SV2C: variants seen among roughly 807,000 people sequenced by gnomAD.
SV2C encodes the protein synaptic vesicle glycoprotein 2C.
Under a neutral mutation model 79.7 loss-of-function variants are expected in SV2C, and 49 were observed. That is an observed-to-expected ratio of 0.61 (90% confidence interval 0.49 to 0.78). The LOEUF (loss-of-function observed/expected upper bound fraction) is 0.78, where lower values mean the gene tolerates loss of function less well. SV2C is among the 30% of genes least tolerant of loss of function. The pLI is 0.00. For synonymous variants in SV2C, 334 were observed against 333.2 expected (o/e 1.00, Z -0.03); for missense variants, 833 against 912.9 (o/e 0.91, Z 1.13).
the SV2C span, among the ~76,000 whole-genome samples, chr5:75,864,693 C>T: frequency 2.0e-5 from 3 of 152,188 alleles, no homozygotes. Flanking sequence ...TCCCTCCCAG[C>T]ATGGGAGCAA....
chr5:76,147,943 C>T (rs926523767), intron 2 of SV2C, among the ~76,000 whole-genome samples: 9 of 151,588 alleles, frequency 5.9e-5, no homozygotes, highest in Admixed American at 1.3e-4. Context: ...ACATTTTTTT[C>T]CTATACACCT....
At chr5:76,223,503 GTATATA>G (rs1745148978) in intron 4 of SV2C, among the ~76,000 whole-genome samples, 1 of 69,430 alleles carries the variant, frequency 1.4e-5, no homozygotes, top group African/African-American at 6.1e-5. Context: ...ATATGTATAT[GTATATA>G]AAGATTTCAT....
the SV2C span, among the ~76,000 whole-genome samples, chr5:75,860,283 A>C: frequency 6.6e-6 from 1 of 152,142 alleles, no homozygotes; most frequent in Non-Finnish European, 1.5e-5. Context: ...ACACAATCCC[A>C]TTTACAATAG....
At chr5:75,968,409 A>T in the SV2C span, among the ~76,000 whole-genome samples, 3 of 152,300 alleles carry the variant, frequency 2.0e-5, no homozygotes, top group South Asian at 4.1e-4. Context: ...ACCAATGGCA[A>T]AGAAGTTAAA....
intron 4 of SV2C, among the ~76,000 whole-genome samples, chr5:76,237,989 C>CACACACACACAT (rs371688116): frequency 4.9e-4 from 73 of 150,048 alleles, no homozygotes; most frequent in Non-Finnish European, 8.5e-4. Context: ...CACACACACA[C>CACACACACACAT]ACATACATAC....
rs915404438 is a variant in SV2C, at chr5:76,340,474, G to A, written c.2001-12656G>A. 3.9e-5 allele frequency among the ~76,000 whole-genome samples: 6 copies of A among 152,166 alleles called. No individual in the cohort carries two copies. The East Asian group carries it at 9.6e-4, about 24-fold the overall frequency. The stretch of plus-strand genomic sequence containing the variant: ...TTAACAGTTCTGTACATCAAGTCAG[G>A]ACACAGGCATGTGGGCACAGTGGGC... On this transcript the variant is annotated intron_variant, in intron 12 of 12. Transcript: ENST00000322285.
At chr5:76,003,239 T>C in the SV2C span, among the ~76,000 whole-genome samples, 1 of 152,104 alleles carries the variant, frequency 6.6e-6, no homozygotes, top group Non-Finnish European at 1.5e-5. Flanking sequence ...CTTTATAACT[T>C]ACCCAGTCTC....
the SV2C span, among the ~76,000 whole-genome samples, chr5:75,895,029 G>T: frequency 6.6e-6 from 1 of 152,076 alleles, no homozygotes; most frequent in Non-Finnish European, 1.5e-5. Context: ...GAAAATATCT[G>T]TCTACTTAGT....
intron 12 of SV2C, among the ~76,000 whole-genome samples, chr5:76,318,256 A>G (rs1043024244): frequency 6.6e-6 from 1 of 152,120 alleles, no homozygotes; most frequent in Non-Finnish European, 1.5e-5. Context: ...CGTCTCTACT[A>G]AAAACACAAA....
At chr5:76,078,021 C>A in the SV2C span, among the ~76,000 whole-genome samples, 1 of 152,156 alleles carries the variant, frequency 6.6e-6, no homozygotes, top group Non-Finnish European at 1.5e-5. Flanking sequence ...ACTTAGGAGT[C>A]AATCAGGAAA....
At chr5:75,869,321 A>T in the SV2C span, among the ~76,000 whole-genome samples, 1 of 152,178 alleles carries the variant, frequency 6.6e-6, no homozygotes, top group Non-Finnish European at 1.5e-5. Flanking sequence ...ACCATAAGCT[A>T]ACTGAAGAGC....
chr5:76,097,903 A>G (rs558785387), intron 1 of SV2C, among the ~76,000 whole-genome samples: 2 of 151,914 alleles, frequency 1.3e-5, no homozygotes, highest in East Asian at 1.9e-4. Context: ...AGCTGGGCCT[A>G]CCTACAGAGA....
the SV2C span, among the ~76,000 whole-genome samples, chr5:75,969,597 G>T: frequency 6.6e-6 from 1 of 152,300 alleles, no homozygotes; most frequent in East Asian, 1.9e-4. Context: ...TAATGGTAAA[G>T]GGATCAATTC....
At chr5:75,988,113 A>C in the SV2C span, among the ~76,000 whole-genome samples, 1 of 152,034 alleles carries the variant, frequency 6.6e-6, no homozygotes, top group East Asian at 1.9e-4. Context: ...GTTCATGTGC[A>C]TGTATGTGTG....
chr5:75,989,460 G>T, the SV2C span, among the ~76,000 whole-genome samples: 1 of 151,898 alleles, frequency 6.6e-6, no homozygotes, highest in Non-Finnish European at 1.5e-5. Flanking sequence ...AAAGGATGTG[G>T]TCTTGTTCCT....
the SV2C span, among the ~76,000 whole-genome samples, chr5:75,923,069 C>T: frequency 2.6e-5 from 4 of 152,152 alleles, no homozygotes; most frequent in African/African-American, 4.8e-5. Context: ...TAAAAATAGG[C>T]ATGTAGACCA....
intron 2 of SV2C, among the ~76,000 whole-genome samples, chr5:76,159,529 A>T (rs1010957228): frequency 6.6e-6 from 1 of 152,154 alleles, no homozygotes; most frequent in Non-Finnish European, 1.5e-5. Context: ...CTAGAAGTCC[A>T]AACTCAAGGT....
chr5:76,213,837 A>G (rs569605008), intron 4 of SV2C, among the ~76,000 whole-genome samples: 1 of 152,256 alleles, frequency 6.6e-6, no homozygotes, highest in Admixed American at 6.5e-5. Context: ...ATCATCTTAT[A>G]ACCAAAAGTT....
Position 76,351,458 on chromosome 5 carries a change from A to T in SV2C, c.2001-1672A>T, listed in dbSNP as rs574596602. 1.7e-3 allele frequency among the ~76,000 whole-genome samples: 261 copies of T among 150,832 alleles called. 1 individual carries two copies. The highest frequency in any genetic ancestry group is 4.4e-3 in the African/African-American group (179 of 41,130). On this transcript the variant is annotated intron_variant, in intron 12 of 12. Transcript: ENST00000322285. The stretch of plus-strand genomic sequence containing the variant: ...GTGAGATCCAGTCTCAAAAAAAAAA[A>T]AAATAGTCTCAATGTTCAGTCTGGG...
Sources: allele counts gnomAD v4.1 joint callset (sites outside exome capture counted in the v4.1 genomes callset), GRCh38; gene constraint gnomAD v4.1.1; transcripts MANE v1.5; gene names NCBI Gene and HGNC (gene_info 2026-07-23, HGNC 2026-07-21).